The following RELN variants were observed in gnomAD, a reference collection of about 807,000 sequenced individuals.
The protein encoded by RELN is reelin.
RELN carries 108 observed loss-of-function variants against 427.6 expected under a neutral mutation model. The observed-to-expected ratio is 0.25, with a 90% CI of 0.22 to 0.30. The LOEUF (loss-of-function observed/expected upper bound fraction) is 0.30. Among genes scored for constraint, RELN ranks in the 10% least tolerant of loss-of-function variants. The pLI is 1.00. For missense variants in RELN, 3,715 were observed against 4,302.8 expected (o/e 0.86, Z 3.82); for synonymous variants, 1,524 against 1,513.4 (o/e 1.01, Z -0.16).
At chr7:103,846,318 C>CAAGA (rs1793676250) in intron 2 of RELN, among the ~76,000 whole-genome samples, 1 of 151,924 alleles carries the variant, frequency 6.6e-6, no homozygotes, top group Admixed American at 6.6e-5. Flanking sequence ...CTGACAGAAA[C>CAAGA]AATGGGGAAA....
chr7:103,539,137 T>C lies in RELN; in HGVS notation c.7121A>G (p.Glu2374Gly), dbSNP rs1227348163. The C allele has an allele frequency of 4.3e-6, 7 of 1,614,080 alleles. No homozygotes were observed. In the African/African-American group the frequency reaches 9.3e-5, roughly 22 times the overall value. ...GAAGTCTATCTGTAGGAAGGAATCC[T>C]CATTCACGGCAACGTCTGTGCTGAC... is the stretch of plus-strand genomic sequence containing the variant. ...YVVSTDVAVN[E>G]DSFLQIDFAA... Residue 2374 changes from glutamate to glycine, a missense_variant, in exon 45 of 65, where the codon GAG becomes GGG. Transcript: ENST00000428762.
intron 1 of RELN, among the ~76,000 whole-genome samples, chr7:103,966,567 T>G (rs1488296386): frequency 6.6e-6 from 1 of 152,208 alleles, no homozygotes; most frequent in Non-Finnish European, 1.5e-5. Flanking sequence ...ATGGAATGTT[T>G]TGCATATAAT....
At chr7:103,783,833 C>T (rs374041489) in intron 3 of RELN, among the ~76,000 whole-genome samples, 8 of 152,276 alleles carry the variant, frequency 5.3e-5, no homozygotes, top group African/African-American at 1.9e-4. Flanking sequence ...AGTATTTGTT[C>T]ATCCATGGTA....
rs1028899636 is a variant in RELN, at chr7:103,693,307, A to C, written c.1143+4546T>G. Reference sequence around the variant, plus strand: ...GGAATTGAACAATGAGAACACATGGACACAGGGAGGGGAACATCACACACT... The same window carrying C: ...GGAATTGAACAATGAGAACACATGGCCACAGGGAGGGGAACATCACACACT... On this transcript the variant is annotated intron_variant, in intron 10 of 64. Transcript: ENST00000428762. 2.0e-5 allele frequency among the ~76,000 whole-genome samples: 3 copies of C among 149,228 alleles called. No individual in the cohort carries two copies. In the Admixed American group the frequency reaches 2.0e-4, roughly 10 times the overall value.
chr7:103,873,403 C>T (rs1794398412), intron 2 of RELN, among the ~76,000 whole-genome samples: 1 of 130,854 alleles, frequency 7.6e-6, no homozygotes, highest in East Asian at 2.4e-4. Flanking sequence ...TTCAAAAAAT[C>T]AATGAATCCA....
intron 6 of RELN, among the ~76,000 whole-genome samples, chr7:103,742,649 T>C (rs1008043412): frequency 1.3e-5 from 2 of 152,102 alleles, no homozygotes; most frequent in Non-Finnish European, 2.9e-5. Context: ...TGCGATCAAC[T>C]GGAAGAAAGG....
chr7:103,667,837 T>C (rs113175312), intron 11 of RELN, among the ~76,000 whole-genome samples: 9 of 152,338 alleles, frequency 5.9e-5, no homozygotes, highest in African/African-American at 2.2e-4. Context: ...GCAAAGACTA[T>C]CCAGGGAAAT....
chr7:103,610,549 AT>A (rs1831926308), intron 22 of RELN, 145 bp downstream of exon 22: 1 of 658,282 alleles, frequency 1.5e-6, no homozygotes, highest in Admixed American at 2.3e-5. Context: ...TGGTCTTTTG[AT>A]AATAAAATAA....
chr7:103,922,102 G>A (rs1227700125), intron 1 of RELN, among the ~76,000 whole-genome samples: 1 of 152,090 alleles, frequency 6.6e-6, no homozygotes, highest in Non-Finnish European at 1.5e-5. Flanking sequence ...AAAATTGAGA[G>A]TGTAATGTAG....
rs543365850 is a variant in RELN at position 103,557,103 on chromosome 7, T to C, written c.5671A>G (p.Thr1891Ala). The change falls in exon 38 of 65, where the codon ACT becomes GCT. Residue 1891 changes from threonine (T) to alanine (A), a missense_variant. By Grantham distance (58) the Thr-to-Ala change is moderately conservative. Transcript: ENST00000428762. The stretch of plus-strand genomic sequence containing the variant: ...TAAAATTCATCCATCAGGTGCCAAG[T>C]GATTCCTCCACTGATGGAGAATTGT... ...LLQFSISGGI[T>A]WHLMDEFYFP... is the part of the protein sequence containing the mutation. 3.1e-6 allele frequency: 5 copies of C among 1,613,834 alleles called. No individual in the cohort carries two copies. Among genetic ancestry groups the C allele is most frequent in the African/African-American group, 1.3e-5 (1 of 75,056 alleles).
At chr7:103,759,208 A>G (rs545787289) in intron 4 of RELN, among the ~76,000 whole-genome samples, 3 of 152,108 alleles carry the variant, frequency 2.0e-5, no homozygotes, top group Admixed American at 6.5e-5. Context: ...AGAGACTGGA[A>G]CTGCCTTGAA....
chr7:103,882,118 G>A (rs1794621221), intron 2 of RELN, among the ~76,000 whole-genome samples: 1 of 152,146 alleles, frequency 6.6e-6, no homozygotes, highest in South Asian at 2.1e-4. Flanking sequence ...GCACAGGGAA[G>A]CCAACAAAAT....
intron 28 of RELN, among the ~76,000 whole-genome samples, chr7:103,587,638 C>T (rs968353889): frequency 1.3e-5 from 2 of 151,552 alleles, no homozygotes; most frequent in Non-Finnish European, 2.9e-5. Flanking sequence ...AACAAGGGAC[C>T]AATATAATAG....
intron 7 of RELN, among the ~76,000 whole-genome samples, chr7:103,725,387 T>C (rs1790181006): frequency 6.6e-6 from 1 of 152,012 alleles, no homozygotes; most frequent in Non-Finnish European, 1.5e-5. Flanking sequence ...ACCTCATCTC[T>C]ACAAACAATT....
At chr7:103,844,994 G>A (rs1356693210) in intron 2 of RELN, among the ~76,000 whole-genome samples, 1 of 152,108 alleles carries the variant, frequency 6.6e-6, no homozygotes, top group African/African-American at 2.4e-5. Context: ...CTCCAGAAAC[G>A]CTCTGCATGT....
intron 53 of RELN, among the ~76,000 whole-genome samples, chr7:103,500,192 G>T (rs1371485678): frequency 6.6e-6 from 1 of 152,082 alleles, no homozygotes; most frequent in East Asian, 1.9e-4. Context: ...AACTGTATTT[G>T]CTTTGCATAT....
intron 53 of RELN, among the ~76,000 whole-genome samples, chr7:103,500,480 GAAAA>G (rs995586861): frequency 6.8e-6 from 1 of 146,532 alleles, no homozygotes; most frequent in Non-Finnish European, 1.5e-5. Flanking sequence ...GTCTGCTTAA[GAAAA>G]AAAAAAGAAA....
rs35127886 is a variant in RELN, at chr7:103,519,586, A to ATT, written c.7669-72_7669-71dup. On this transcript the variant is annotated intron_variant, in intron 48 of 64. Transcript: ENST00000428762. ...ATTGCAGATTATAGATTTTCTATGG[A>ATT]TTTTTTTTTTTTTTGAGACAGGGTC... The ATT allele has an allele frequency of 6.6e-3, 6,467 of 985,858 alleles. 5 individuals are homozygous for ATT. Among genetic ancestry groups the ATT allele is most frequent in the African/African-American group, 0.018 (1,012 of 56,856 alleles). The allele number at this position is 985,858 out of a possible 1,614,324, so 61.1% of individuals were successfully genotyped here. A position where few individuals can be genotyped will look rare whatever the true frequency, so the allele number is the denominator to read the frequency against.
intron 1 of RELN, among the ~76,000 whole-genome samples, chr7:103,948,206 C>T (rs1796258179): frequency 6.6e-6 from 1 of 152,142 alleles, no homozygotes; most frequent in Non-Finnish European, 1.5e-5. Context: ...TTAATACCTA[C>T]TTGTATTTTG....
Sources: allele counts gnomAD v4.1 joint callset (sites outside exome capture counted in the v4.1 genomes callset), GRCh38; gene constraint gnomAD v4.1.1; transcripts MANE v1.5; gene names NCBI Gene and HGNC (gene_info 2026-07-23, HGNC 2026-07-21).